NFIA: variants seen among roughly 807,000 people sequenced by gnomAD.
The protein encoded by NFIA is nuclear factor 1 A-type.
Under a neutral mutation model 62.8 loss-of-function variants are expected in NFIA, and 8 were observed. That is an observed-to-expected ratio of 0.13 (90% CI 0.07 to 0.23). The LOEUF is 0.23. Ranked by LOEUF, NFIA falls within the 10% of genes least tolerant of loss-of-function variation. NFIA has a pLI of 1.00. For synonymous variants in NFIA, 235 were observed against 238.1 expected (o/e 0.99, Z 0.12); for missense variants, 410 against 642.1 (o/e 0.64, Z 3.91).
chr1:61,107,334 A>G (rs1646621615), intron 2 of NFIA, among the ~76,000 whole-genome samples: 1 of 151,670 alleles, frequency 6.6e-6, no homozygotes, highest in African/African-American at 2.4e-5. Context: ...CATTCTCTCC[A>G]GAATTTGGCA....
intron 6 of NFIA, among the ~76,000 whole-genome samples, chr1:61,377,631 C>T (rs75291225): frequency 4.5e-4 from 69 of 152,222 alleles, no homozygotes; most frequent in African/African-American, 1.6e-3. Context: ...AGTTTCTCTC[C>T]GTTTGTGACT....
chr1:61,349,959 TTTGAG>T (rs1304246743), intron 4 of NFIA, among the ~76,000 whole-genome samples: 1 of 152,076 alleles, frequency 6.6e-6, no homozygotes, highest in African/African-American at 2.4e-5. Context: ...CTTTCCATCC[TTTGAG>T]TTTAGTCCCC....
chr1:61,273,949 C>G (rs906779714), intron 2 of NFIA, among the ~76,000 whole-genome samples: 1 of 152,140 alleles, frequency 6.6e-6, no homozygotes, highest in Non-Finnish European at 1.5e-5. Flanking sequence ...CTCACCTTCC[C>G]CAAAGGAATA....
At chr1:61,177,060 C>G (rs367677045) in intron 2 of NFIA, among the ~76,000 whole-genome samples, 6 of 151,626 alleles carry the variant, frequency 4.0e-5, no homozygotes, top group African/African-American at 1.2e-4. Context: ...GAGCCAAGAT[C>G]GCACCACTGC....
At chr1:61,379,402 CTTTTTTTTTTT>C (rs60735193) in intron 6 of NFIA, among the ~76,000 whole-genome samples, 5 of 98,264 alleles carry the variant, frequency 5.1e-5, no homozygotes, top group South Asian at 3.7e-4. Context: ...TTTTCTTTTT[CTTTTTTTTTTT>C]TTTTTTTTTT....
Position 61,343,825 on chromosome 1 carries a change from C to CT in NFIA, c.701-8624dup, listed in dbSNP as rs112450081. 3.0e-4 allele frequency among the ~76,000 whole-genome samples: 45 copies of CT among 152,328 alleles called. 1 individual carries two copies. Among genetic ancestry groups the CT allele is most frequent in the African/African-American group, 1.0e-3 (42 of 41,584 alleles). On this transcript the variant is annotated intron_variant, in intron 4 of 10. Coordinates refer to ENST00000403491, the MANE Select transcript of NFIA (RefSeq NM_001134673.4). ...TTGATTTCCATTCAAGTCAGACTGA[C>CT]TGCAGTGTGGTCATTTTTCTAACCC... is the stretch of plus-strand genomic sequence containing the variant.
intron 2 of NFIA, among the ~76,000 whole-genome samples, chr1:61,113,596 GAAAAA>G (rs376543670): frequency 1.9e-5 from 2 of 107,000 alleles, no homozygotes; most frequent in African/African-American, 3.6e-5. Flanking sequence ...CTCCATCTCA[GAAAAA>G]AAAAAAAAAA....
intron 2 of NFIA, among the ~76,000 whole-genome samples, chr1:61,266,484 A>G (rs1657175852): frequency 2.0e-5 from 3 of 151,962 alleles, no homozygotes; most frequent in African/African-American, 7.3e-5. Flanking sequence ...GGTTTAAGCC[A>G]TCCTCCCGGT....
At chr1:61,180,745 C>G (rs1387319417) in intron 2 of NFIA, among the ~76,000 whole-genome samples, 2 of 152,162 alleles carry the variant, frequency 1.3e-5, no homozygotes, top group Non-Finnish European at 2.9e-5. Context: ...GATGGTAAGA[C>G]CCGCTAACAT....
intron 2 of NFIA, among the ~76,000 whole-genome samples, chr1:61,153,166 C>A (rs116345344): frequency 1.3e-5 from 2 of 152,326 alleles, no homozygotes; most frequent in Non-Finnish European, 2.9e-5. Flanking sequence ...ATACTGCCGG[C>A]ACAGTGTTTT....
At chr1:61,225,617 G>A (rs941735854) in intron 2 of NFIA, among the ~76,000 whole-genome samples, 1 of 97,642 alleles carries the variant, frequency 1.0e-5, no homozygotes, top group East Asian at 3.0e-4. Context: ...ATTTTATTTT[G>A]TATCACCAAA....
chr1:61,293,089 C>T lies in NFIA; in HGVS notation c.625+15504C>T, dbSNP rs1021826069. ...GTAAAGTCTCAGAACATACTAACCG[C>T]ATCACATTGATTTTAAACAACTCTG... On this transcript the variant is annotated intron_variant, in intron 3 of 10. Coordinates refer to ENST00000403491, the MANE Select transcript of NFIA (RefSeq NM_001134673.4). Among the ~76,000 whole-genome samples the T allele has an allele frequency of 3.3e-5, 5 of 152,296 alleles. No homozygotes were observed. The East Asian group carries it at 9.6e-4, about 29-fold the overall frequency.
At chr1:61,424,815 T>G (rs1666794428) in intron 9 of NFIA, among the ~76,000 whole-genome samples, 1 of 152,180 alleles carries the variant, frequency 6.6e-6, no homozygotes, top group Non-Finnish European at 1.5e-5. Flanking sequence ...ATGGTACACT[T>G]AATATAGATT....
intron 10 of NFIA, among the ~76,000 whole-genome samples, chr1:61,435,960 T>C (rs752068596): frequency 6.6e-6 from 1 of 152,146 alleles, no homozygotes; most frequent in Non-Finnish European, 1.5e-5. Flanking sequence ...GTTTAGGAGA[T>C]GTAGATGCTA....
At chr1:61,081,893 G>C, upstream of NFIA, 1 of 1,545,700 alleles carries the variant, frequency 6.5e-7, no homozygotes, top group Non-Finnish European at 8.7e-7. Context: ...CATTTCAGTG[G>C]GGGAAAAAAA....
At chr1:61,282,486 C>G (rs1570506705) in intron 3 of NFIA, among the ~76,000 whole-genome samples, 2 of 152,280 alleles carry the variant, frequency 1.3e-5, no homozygotes, top group Non-Finnish European at 2.9e-5. Flanking sequence ...CTGATATTTA[C>G]AGGGCCTGTG....
chr1:61,102,661 C>T (rs1646532014), intron 2 of NFIA, among the ~76,000 whole-genome samples: 1 of 152,062 alleles, frequency 6.6e-6, no homozygotes, highest in South Asian at 2.1e-4. Flanking sequence ...TTAAATATTT[C>T]AGGTTAGAAT....
At chr1:61,126,235 C>T (rs1436488800) in intron 2 of NFIA, among the ~76,000 whole-genome samples, 2 of 152,170 alleles carry the variant, frequency 1.3e-5, no homozygotes, top group African/African-American at 4.8e-5. Context: ...CCTCTTCTGT[C>T]TAATAATGCA....
Position 61,456,420 on chromosome 1 carries a change from A to G in NFIA, c.*1100A>G, listed in dbSNP as rs143179340. On this transcript the variant is annotated 3_prime_UTR_variant, in exon 11 of 11. Transcript: ENST00000403491. ...CAAATCTAATGGTGCTTTTACCACA[A>G]TATGTTAACTACATTAAATGCTAAT... The G allele has an allele frequency of 1.6e-4, 25 of 152,428 alleles. No individual in the cohort carries two copies. The East Asian group carries it at 4.8e-3, about 29-fold the overall frequency. 9.4% of individuals were successfully genotyped at this position (152,428 alleles called of 1,614,324 possible). A position where few individuals can be genotyped will look rare whatever the true frequency, so the allele number is the denominator to read the frequency against.
Sources: allele counts gnomAD v4.1 joint callset (sites outside exome capture counted in the v4.1 genomes callset), GRCh38; gene constraint gnomAD v4.1.1; transcripts MANE v1.5; gene names NCBI Gene and HGNC (gene_info 2026-07-23, HGNC 2026-07-21).